Variants in UBE2E2 observed in about 807,000 individuals in gnomAD.
UBE2E2 encodes the protein ubiquitin conjugating enzyme E2 E2, also known as ubiquitin-conjugating enzyme E2 E2.
Under a neutral mutation model 24.7 loss-of-function variants are expected in UBE2E2, and 6 were observed. The ratio of observed to expected loss-of-function variants is 0.24; its 90% CI spans 0.13 to 0.48. UBE2E2 has a LOEUF of 0.48. Ranked by LOEUF, UBE2E2 falls within the 20% of genes least tolerant of loss-of-function variation. The pLI is 0.99. For synonymous variants in UBE2E2, 104 were observed against 83.6 expected, an observed-to-expected ratio of 1.24 and a Z score of -1.33; for missense variants, 169 against 245.0, an observed-to-expected ratio of 0.69 and a Z score of 2.07.
chr3:23,494,149 T>C (rs1231661618), intron 3 of UBE2E2, among the ~76,000 whole-genome samples: 1 of 152,184 alleles, frequency 6.6e-6, no homozygotes, highest in African/African-American at 2.4e-5. Flanking sequence ...GGCACCAAAT[T>C]TTATTTGTTC....
At chr3:23,559,616 C>A (rs1695874532) in intron 5 of UBE2E2, among the ~76,000 whole-genome samples, 1 of 152,188 alleles carries the variant, frequency 6.6e-6, no homozygotes, top group African/African-American at 2.4e-5. Context: ...CCCTCCCCCA[C>A]TCCTTTCCTT....
Position 23,389,539 on chromosome 3 carries a change from C to T in UBE2E2, c.228-110069C>T, listed in dbSNP as rs993240405. ...CTTTCTCCAAAGTTCTCCGAAGCAA[C>T]CACTGAGTCTTTGAAAATCTTCTGA... On this transcript the variant is annotated intron_variant, in intron 3 of 5. Coordinates refer to ENST00000396703, the MANE Select transcript of UBE2E2 (RefSeq NM_152653.4). The T allele has an allele frequency of 3.6e-5, 7 of 192,078 alleles. No individual in the cohort carries two copies. In the East Asian group the frequency reaches 7.8e-4, roughly 21 times the overall value. The allele number at this position is 192,078 out of a possible 1,614,324, so 11.9% of individuals were successfully genotyped here.
At chr3:23,570,185 G>A (rs940491876) in intron 5 of UBE2E2, among the ~76,000 whole-genome samples, 2 of 152,148 alleles carry the variant, frequency 1.3e-5, no homozygotes, top group Non-Finnish European at 2.9e-5. Flanking sequence ...AACTCCTTGC[G>A]GGTGAGGGAT....
chr3:23,409,399 G>T (rs1251864364), intron 3 of UBE2E2, among the ~76,000 whole-genome samples: 1 of 152,092 alleles, frequency 6.6e-6, no homozygotes, highest in Non-Finnish European at 1.5e-5. Flanking sequence ...AAGAACATAG[G>T]AACCCTTTGG....
At chr3:23,555,383 G>A (rs1695753012) in intron 5 of UBE2E2, among the ~76,000 whole-genome samples, 1 of 152,252 alleles carries the variant, frequency 6.6e-6, no homozygotes, top group South Asian at 2.1e-4. Context: ...TTAAGTGTTG[G>A]CAAAGGTGTG....
chr3:23,373,669 T>C (rs1381547453), intron 3 of UBE2E2, among the ~76,000 whole-genome samples: 1 of 152,180 alleles, frequency 6.6e-6, no homozygotes, highest in Non-Finnish European at 1.5e-5. Flanking sequence ...CCAGGTATTG[T>C]ATTTTAATAT....
chr3:23,348,780 G>T (rs1358486295), intron 3 of UBE2E2, among the ~76,000 whole-genome samples: 4 of 151,690 alleles, frequency 2.6e-5, no homozygotes, highest in East Asian at 3.9e-4. Flanking sequence ...CCCTAAAACT[G>T]CAGGCTGTTG....
intron 5 of UBE2E2, among the ~76,000 whole-genome samples, chr3:23,549,188 C>A (rs1318466065): frequency 6.6e-6 from 1 of 152,188 alleles, no homozygotes; most frequent in African/African-American, 2.4e-5. Flanking sequence ...TTCTAAAGTT[C>A]TTTCTTTGTC....
At position 23,589,903 on chromosome 3, in the gene UBE2E2, C is replaced by A; in HGVS notation, c.*72C>A. 2.1e-6 allele frequency: 3 copies of A among 1,410,144 alleles called. No individual in the cohort carries two copies. The highest frequency in any genetic ancestry group is 2.8e-5 in the African/African-American group (2 of 70,556). 87.4% of individuals were successfully genotyped at this position (1,410,144 alleles called of 1,614,324 possible). A position where few individuals can be genotyped will look rare whatever the true frequency, so the allele number is the denominator to read the frequency against. Reference sequence around the variant, plus strand: ...CAAGTGCATCGGTAGCCCTGCCCACCCCTCCAGACCTCGGTTCTTATTTTC... The same window carrying A: ...CAAGTGCATCGGTAGCCCTGCCCACACCTCCAGACCTCGGTTCTTATTTTC... On this transcript the variant is annotated 3_prime_UTR_variant, in exon 6 of 6. Transcript: ENST00000396703. This position sits in a 1 kb window ranked among gnomAD's most constrained non-coding sequence, Gnocchi z 4.1.
intron 3 of UBE2E2, among the ~76,000 whole-genome samples, chr3:23,343,525 G>A (rs975345127): frequency 2.4e-5 from 3 of 125,962 alleles, no homozygotes; most frequent in South Asian, 2.4e-4. Flanking sequence ...GCAGTGAGCC[G>A]AGATGGCGCC....
Position 23,582,891 on chromosome 3 carries a change from G to GTGTGTGTGTGTGTGTA in UBE2E2, c.509-6840_509-6839insGTGTGTGTGTGTATGT, listed in dbSNP as rs1553622745. 6.5e-3 allele frequency among the ~76,000 whole-genome samples: 967 copies of GTGTGTGTGTGTGTGTA among 148,696 alleles called. 9 individuals are homozygous for GTGTGTGTGTGTGTGTA. The highest frequency in any genetic ancestry group is 0.015 in the African/African-American group (615 of 39,856). ...TGTGTGTGTGTGTGTGTGTGTGTGT[G>GTGTGTGTGTGTGTGTA]TGTTGTGTGTTTGTTTGCTGTGCAG... On this transcript the variant is annotated intron_variant, in intron 5 of 5. Transcript: ENST00000396703.
chr3:23,408,685 G>A (rs1575610626), intron 3 of UBE2E2, among the ~76,000 whole-genome samples: 1 of 152,256 alleles, frequency 6.6e-6, no homozygotes, highest in East Asian at 1.9e-4. Flanking sequence ...CTGCTCCCTG[G>A]AGCAGCTCTG....
intron 3 of UBE2E2, among the ~76,000 whole-genome samples, chr3:23,283,428 C>T (rs1442407716): frequency 6.6e-6 from 1 of 152,082 alleles, no homozygotes; most frequent in Non-Finnish European, 1.5e-5. Flanking sequence ...TGCAAGCTTT[C>T]AGAAATTTAG....
intron 3 of UBE2E2, among the ~76,000 whole-genome samples, chr3:23,426,131 G>A (rs1697919110): frequency 6.6e-6 from 1 of 152,116 alleles, no homozygotes; most frequent in South Asian, 2.1e-4. Context: ...TTCATTGGTA[G>A]ACTTGACACA....
intron 3 of UBE2E2, among the ~76,000 whole-genome samples, chr3:23,253,978 G>T (rs1001720990): frequency 2.0e-5 from 3 of 152,132 alleles, no homozygotes; most frequent in African/African-American, 7.2e-5. Flanking sequence ...TTAGATTTGT[G>T]ATTTTAAGAA....
chr3:23,397,206 C>G (rs1422621889), intron 3 of UBE2E2, among the ~76,000 whole-genome samples: 1 of 152,160 alleles, frequency 6.6e-6, no homozygotes, highest in Admixed American at 6.5e-5. Context: ...AAAGCATTTT[C>G]TCACTTTTTG....
intron 3 of UBE2E2, among the ~76,000 whole-genome samples, chr3:23,365,226 C>A (rs2125335349): frequency 6.6e-6 from 1 of 152,250 alleles, no homozygotes; most frequent in South Asian, 2.1e-4. Context: ...GGCAAGGATG[C>A]CAACTCTCAC....
intron 4 of UBE2E2, among the ~76,000 whole-genome samples, chr3:23,505,784 T>C (rs1694439674): frequency 6.6e-6 from 1 of 152,238 alleles, no homozygotes; most frequent in Admixed American, 6.5e-5. Flanking sequence ...TGTCAGCTAA[T>C]GCGGAAGGCC....
At chr3:23,559,217 C>G (rs1396054235) in intron 5 of UBE2E2, among the ~76,000 whole-genome samples, 7 of 152,136 alleles carry the variant, frequency 4.6e-5, no homozygotes, top group African/African-American at 7.2e-5. Flanking sequence ...AACTTGATTA[C>G]AAATTGAGAG....
Sources: allele counts gnomAD v4.1 joint callset (sites outside exome capture counted in the v4.1 genomes callset), GRCh38; gene constraint gnomAD v4.1.1; non-coding constraint Gnocchi (gnomAD v3.1); transcripts MANE v1.5; gene names NCBI Gene and HGNC (gene_info 2026-07-23, HGNC 2026-07-21).